The following TTC28 variants were observed in gnomAD, a reference collection of about 807,000 sequenced individuals.
TTC28 encodes the protein tetratricopeptide repeat protein 28.
In TTC28, 61 loss-of-function variants were observed where a neutral mutation model predicts 198.0. The ratio of observed to expected loss-of-function variants is 0.31; its 90% confidence interval spans 0.25 to 0.38. The LOEUF (loss-of-function observed/expected upper bound fraction) is 0.38. Among genes scored for constraint, TTC28 ranks in the 10% least tolerant of loss-of-function variants. The pLI, the probability that TTC28 is intolerant of heterozygous loss-of-function variation, is 1.00. For missense variants in TTC28, 2,678 were observed against 3,164.0 expected (o/e 0.85, Z 3.69); for synonymous variants, 1,171 against 1,297.8 (o/e 0.90, Z 2.10).
chr22:28,669,264 G>A (rs2051838213), intron 1 of TTC28, among the ~76,000 whole-genome samples: 1 of 142,580 alleles, frequency 7.0e-6, no homozygotes, highest in South Asian at 2.3e-4. Context: ...TAACTAACCT[G>A]CACAATGTGC....
At chr22:28,165,053 C>G (rs181542438) in intron 5 of TTC28, among the ~76,000 whole-genome samples, 1 of 151,996 alleles carries the variant, frequency 6.6e-6, no homozygotes, top group Admixed American at 6.6e-5. Context: ...GTAGCTGATG[C>G]GATCAACTGG....
At chr22:28,661,896 T>C (rs140556214) in intron 1 of TTC28, among the ~76,000 whole-genome samples, 1,941 of 151,990 alleles carry the variant, frequency 0.013, 31 homozygotes, top group East Asian at 0.059. Context: ...CATGAGCCAC[T>C]GCACCTGGCC....
intron 2 of TTC28, among the ~76,000 whole-genome samples, chr22:28,482,824 A>G (rs1007597316): frequency 3.3e-5 from 5 of 152,102 alleles, no homozygotes; most frequent in African/African-American, 1.2e-4. Context: ...AAATCATACA[A>G]TATGTGACCT....
intron 2 of TTC28, among the ~76,000 whole-genome samples, chr22:28,563,538 T>G (rs1243670532): frequency 6.6e-6 from 1 of 152,126 alleles, no homozygotes; most frequent in African/African-American, 2.4e-5. Context: ...AACAAGCACA[T>G]GAAATGATGT....
Position 28,146,182 on chromosome 22 carries a change from AG to A in TTC28, c.1441+16909del, listed in dbSNP as rs1943465258. ...GCTTGTAGGCAAAATATTTGTATAC[AG>A]GCTTCTTGGTAATCAAAATGGAGAG... On this transcript the variant is annotated intron_variant, in intron 6 of 22. Transcript: ENST00000397906. 2.6e-5 allele frequency among the ~76,000 whole-genome samples: 4 copies of A among 152,376 alleles called. No individual in the cohort carries two copies. The South Asian group carries it at 8.3e-4, about 32-fold the overall frequency.
intron 13 of TTC28, among the ~76,000 whole-genome samples, chr22:28,028,300 G>T (rs371257248): frequency 3.9e-5 from 6 of 152,214 alleles, no homozygotes; most frequent in African/African-American, 1.4e-4. Flanking sequence ...ACTCAGCCTG[G>T]CTGGGGGCGG....
At chr22:28,076,401 T>C (rs1294986803) in intron 12 of TTC28, among the ~76,000 whole-genome samples, 1 of 152,192 alleles carries the variant, frequency 6.6e-6, no homozygotes, top group African/African-American at 2.4e-5. Context: ...AAAGATATCC[T>C]AGTTGCAATC....
At chr22:28,271,269 T>A (rs1412712973) in intron 5 of TTC28, among the ~76,000 whole-genome samples, 4 of 152,134 alleles carry the variant, frequency 2.6e-5, no homozygotes, top group African/African-American at 9.7e-5. Context: ...CTGTATACTC[T>A]TTGACTGTGT....
At chr22:28,123,580 A>G (rs1322722793) in intron 6 of TTC28, among the ~76,000 whole-genome samples, 1 of 152,128 alleles carries the variant, frequency 6.6e-6, no homozygotes, top group African/African-American at 2.4e-5. Flanking sequence ...GTTCTTCTCA[A>G]TTCTACCTTT....
At chr22:28,313,667 T>C (rs1188588718) in intron 2 of TTC28, among the ~76,000 whole-genome samples, 1 of 152,170 alleles carries the variant, frequency 6.6e-6, no homozygotes, top group East Asian at 1.9e-4. Context: ...CAACAGCCTT[T>C]CATGCTAAAA....
At chr22:28,183,432 A>G (rs909851369) in intron 5 of TTC28, among the ~76,000 whole-genome samples, 1 of 152,056 alleles carries the variant, frequency 6.6e-6, no homozygotes, top group Non-Finnish European at 1.5e-5. Flanking sequence ...CCTACTAATG[A>G]CCAGTGAAGG....
intron 12 of TTC28, among the ~76,000 whole-genome samples, chr22:28,060,248 T>C (rs992315993): frequency 6.6e-6 from 1 of 152,038 alleles, no homozygotes; most frequent in Non-Finnish European, 1.5e-5. Context: ...CCTTCCCCCA[T>C]CCCCCAACCC....
intron 2 of TTC28, among the ~76,000 whole-genome samples, chr22:28,503,514 A>T (rs1294588437): frequency 2.0e-5 from 3 of 152,188 alleles, no homozygotes; most frequent in Non-Finnish European, 4.4e-5. Context: ...AACTCACTTA[A>T]TGTCATTAGG....
chr22:28,360,809 G>A (rs540312153), intron 2 of TTC28, among the ~76,000 whole-genome samples: 2 of 152,112 alleles, frequency 1.3e-5, no homozygotes, highest in African/African-American at 4.8e-5. Context: ...AAGTCTATTG[G>A]CACCATTTTT....
intron 5 of TTC28, among the ~76,000 whole-genome samples, chr22:28,170,530 C>T (rs1156262353): frequency 6.6e-6 from 1 of 151,638 alleles, no homozygotes; most frequent in Non-Finnish European, 1.5e-5. Context: ...AAATTAATTA[C>T]TACATATAAC....
chr22:28,313,476 A>T (rs552101830), intron 2 of TTC28, among the ~76,000 whole-genome samples: 1 of 152,316 alleles, frequency 6.6e-6, no homozygotes, highest in South Asian at 2.1e-4. Context: ...AAATACTGGC[A>T]AACCGAATCC....
intron 6 of TTC28, among the ~76,000 whole-genome samples, chr22:28,126,618 T>C (rs977214913): frequency 3.3e-5 from 5 of 152,230 alleles, no homozygotes; most frequent in African/African-American, 1.2e-4. Flanking sequence ...TATACAAATA[T>C]AGGGTCAGCA....
chr22:28,342,836 A>G (rs114036634), intron 2 of TTC28, among the ~76,000 whole-genome samples: 2,420 of 152,302 alleles, frequency 0.016, 86 homozygotes, highest in African/African-American at 0.056. Context: ...AAGAGAAGCT[A>G]TAATAAAGTA....
intron 2 of TTC28, among the ~76,000 whole-genome samples, chr22:28,527,783 A>G (rs986738315): frequency 6.6e-6 from 1 of 152,084 alleles, no homozygotes; most frequent in African/African-American, 2.4e-5. Flanking sequence ...CTACAGGCAC[A>G]TGCCACCACA....
Sources: gnomAD v4.1 joint callset for allele counts (sites outside exome capture counted in the v4.1 genomes callset) on GRCh38, gnomAD v4.1.1 for gene constraint, MANE v1.5 for transcripts, NCBI Gene and HGNC (gene_info 2026-07-23, HGNC 2026-07-21) for gene names.